TTLL7: variants seen among roughly 807,000 people sequenced by gnomAD.
TTLL7 encodes the protein tubulin tyrosine ligase like 7.
In TTLL7, 53 loss-of-function variants were observed where a neutral mutation model predicts 120.2. The ratio of observed to expected loss-of-function variants is 0.44; its 90% CI spans 0.35 to 0.55. The LOEUF is 0.55. Ranked by LOEUF, TTLL7 falls within the 20% of genes least tolerant of loss-of-function variation. The pLI is 0.00. For missense variants in TTLL7, 803 were observed against 1,054.7 expected (o/e 0.76, Z 3.31); for synonymous variants, 353 against 351.7 (o/e 1.00, Z -0.04).
rs2100796008 is a variant in TTLL7, at chr1:83,921,286, T to C, written c.1251A>G (p.Glu417=). 6.2e-7 allele frequency: 1 copy of C among 1,613,440 alleles called. No homozygotes were observed. Among genetic ancestry groups the C allele is most frequent in the Non-Finnish European group, 8.5e-7 (1 of 1,179,784 alleles). Residue 417 remains glutamate, a synonymous_variant, in exon 11 of 21, where the codon GAA becomes GAG. Transcript: ENST00000260505. Reference sequence around the variant, plus strand: ...GCCTCTCCAACTGGTGTCTCTGCTGTTCCCAGTCTGAGGAGCCTGGTAAGA... The same window carrying C: ...GCCTCTCCAACTGGTGTCTCTGCTGCTCCCAGTCTGAGGAGCCTGGTAAGA... The part of the protein sequence containing the change: ...KRLLPGSSDW[E]QQRHQLERRK...
Position 83,868,489 on chromosome 1 carries a change from C to T in TTLL7, c.*1473G>A, listed in dbSNP as rs749967648. 2 of 152,152 alleles carry T rather than the reference C, an allele frequency of 1.3e-5. No homozygotes were observed. The highest frequency in any genetic ancestry group is 2.1e-4 in the South Asian group (1 of 4,832). 9.4% of individuals were successfully genotyped at this position (152,152 alleles called of 1,614,324 possible). A position where few individuals can be genotyped will look rare whatever the true frequency, so the allele number is the denominator to read the frequency against. The stretch of plus-strand genomic sequence containing the variant: ...ATAACAACTTTGGACAAGAACACTT[C>T]GTTCTCTGTTTTGATTTTTTAAAAA... On this transcript the variant is annotated 3_prime_UTR_variant, in exon 21 of 21. Transcript: ENST00000260505.
Position 83,867,155 on chromosome 1 carries a change from T to C in TTLL7, c.*2807A>G, listed in dbSNP as rs1244484649. 4 of 152,062 alleles carry C rather than the reference T, an allele frequency of 2.6e-5. No homozygotes were observed. The highest frequency in any genetic ancestry group is 6.6e-5 in the Admixed American group (1 of 15,262). 9.4% of individuals were successfully genotyped at this position (152,062 alleles called of 1,614,324 possible). A position where few individuals can be genotyped will look rare whatever the true frequency, so the allele number is the denominator to read the frequency against. ...GGAGTCACACCTGTACAATCACTTA[T>C]GCTTATATGTTTTAACCTATGAATA... On this transcript the variant is annotated 3_prime_UTR_variant, in exon 21 of 21. Coordinates refer to ENST00000260505, the MANE Select transcript of TTLL7 (RefSeq NM_024686.6).
intron 1 of TTLL7, among the ~76,000 whole-genome samples, chr1:83,990,213 GGCCGGAC>G (rs1652856324): frequency 7.3e-6 from 1 of 137,098 alleles, no homozygotes; most frequent in Non-Finnish European, 1.5e-5. Context: ...CTGTCGCCCA[GGCCGGAC>G]TGCGGACTGC....
rs1557563429 is a variant in TTLL7 at position 83,892,405 on chromosome 1, C to CGA, written c.2209-1925_2209-1924insTC. Among the ~76,000 whole-genome samples, 102 of 36,694 alleles carry CGA rather than the reference C, an allele frequency of 2.8e-3. 11 individuals carry two copies. Among genetic ancestry groups the CGA allele is most frequent in the Middle Eastern group, 0.04 (2 of 50 alleles). 24.1% of individuals were successfully genotyped at this position (36,694 alleles called of 152,430 possible). On this transcript the variant is annotated intron_variant, in intron 18 of 20. Transcript: ENST00000260505. The stretch of plus-strand genomic sequence containing the variant: ...GAATATATATACGAATATATATGAA[C>CGA]ATATATATGAACATATATATGAACA...
chr1:83,903,806 A>G (rs1402122565), intron 18 of TTLL7, among the ~76,000 whole-genome samples: 1 of 152,038 alleles, frequency 6.6e-6, no homozygotes, highest in East Asian at 1.9e-4. Flanking sequence ...TAGAAGGCTG[A>G]CTGTACTACC....
chr1:83,947,397 A>T, intron 5 of TTLL7, 115 bp from the exon 6 acceptor site: 1 of 929,032 alleles, frequency 1.1e-6, no homozygotes, highest in South Asian at 1.7e-5. Flanking sequence ...TCCTTCATTT[A>T]CTTATTCATT....
chr1:83,947,545 A>AT (rs1210228855), intron 5 of TTLL7: 16 of 318,944 alleles, frequency 5.0e-5, no homozygotes, highest in East Asian at 8.0e-5. Flanking sequence ...CATCAAAAAC[A>AT]TTTTTTTTAG....
At chr1:83,909,341 A>G (rs1657490003) in intron 15 of TTLL7, among the ~76,000 whole-genome samples, 1 of 147,832 alleles carries the variant, frequency 6.8e-6, no homozygotes, top group Admixed American at 7.0e-5. Flanking sequence ...AGACATGCCA[A>G]TGATGTTTGG....
chr1:83,882,353 A>G lies in TTLL7; in HGVS notation c.2543+610T>C, dbSNP rs1654589100. On this transcript the variant is annotated intron_variant, in intron 20 of 20. Transcript: ENST00000260505. ...TACTAAAACTAAAGTTATATTATTC[A>G]TCTCTATTTCTAATGAGAACTACAG... Among the ~76,000 whole-genome samples the G allele has an allele frequency of 4.6e-5, 7 of 151,722 alleles. No individual in the cohort carries two copies. The South Asian group carries it at 1.5e-3, about 31-fold the overall frequency.
In TTLL7 at chr1:83,911,247, T is replaced by C. The variant is rs759550249; in HGVS notation, c.1704A>G (p.Glu568=). Residue 568 remains glutamate (E), a synonymous_variant, in exon 15 of 21, where the codon GAA becomes GAG. Transcript: ENST00000260505. Reference sequence around the variant, plus strand: ...TTTCTCTTTTCTTATTTTGGTACTCTTCTTTTTCATTTTCGTCAGATTCTG... The same window carrying C: ...TTTCTCTTTTCTTATTTTGGTACTCCTCTTTTTCATTTTCGTCAGATTCTG... ...SSSESDENEK[E]EYQNKKREKQ... The C allele has an allele frequency of 1.1e-5, 18 of 1,613,426 alleles. No homozygotes were observed. The Admixed American group carries it at 3.0e-4, about 27-fold the overall frequency.
chr1:83,983,312 A>G (rs754226871), intron 1 of TTLL7, among the ~76,000 whole-genome samples: 1 of 152,162 alleles, frequency 6.6e-6, no homozygotes, highest in Non-Finnish European at 1.5e-5. Flanking sequence ...GACTGGTGAC[A>G]GAACGAGACT....
chr1:83,932,451 C>G (rs1659672848), intron 9 of TTLL7, among the ~76,000 whole-genome samples: 1 of 152,090 alleles, frequency 6.6e-6, no homozygotes, highest in Non-Finnish European at 1.5e-5. Context: ...TCACATTTAT[C>G]TTATCTCTAA....
intron 13 of TTLL7, 82 bp from the exon 14 acceptor site, chr1:83,917,772 T>C (rs1658317019): frequency 1.1e-6 from 1 of 869,732 alleles, no homozygotes; most frequent in East Asian, 2.6e-5. Context: ...CACAAAATAA[T>C]GCAGAGCAAG....
intron 6 of TTLL7, among the ~76,000 whole-genome samples, chr1:83,944,846 T>A (rs1374110282): frequency 1.3e-5 from 2 of 152,236 alleles, no homozygotes; most frequent in Non-Finnish European, 2.9e-5. Context: ...TGCAGAGATA[T>A]AATTTGTGAC....
chr1:83,975,642 T>C (rs112417057), intron 1 of TTLL7, among the ~76,000 whole-genome samples: 2 of 152,128 alleles, frequency 1.3e-5, no homozygotes, highest in Non-Finnish European at 2.9e-5. Context: ...CTTTGTGCCA[T>C]AGCATGTCGC....
intron 18 of TTLL7, among the ~76,000 whole-genome samples, chr1:83,897,842 T>G (rs1399098708): frequency 6.7e-6 from 1 of 148,638 alleles, no homozygotes; most frequent in East Asian, 2.0e-4. Context: ...CTCTCCCCAT[T>G]ATCTTCCTTG....
intron 13 of TTLL7, among the ~76,000 whole-genome samples, chr1:83,918,054 A>G (rs1658338022): frequency 6.6e-6 from 1 of 152,138 alleles, no homozygotes; most frequent in East Asian, 1.9e-4. Context: ...TTTATGAATC[A>G]TTTCTATACA....
intron 7 of TTLL7, 129 bp from the exon 8 acceptor site, chr1:83,938,145 A>C: frequency 9.2e-6 from 7 of 759,300 alleles, no homozygotes; most frequent in African/African-American, 1.8e-5. Flanking sequence ...GAACAATCTC[A>C]TGATTATTTA....
At chr1:83,932,034 C>G (rs990558669) in intron 9 of TTLL7, among the ~76,000 whole-genome samples, 2 of 151,956 alleles carry the variant, frequency 1.3e-5, no homozygotes, top group African/African-American at 2.4e-5. Flanking sequence ...CTAGAAACAA[C>G]GAAGGAAAGA....
Sources: allele counts gnomAD v4.1 joint callset (sites outside exome capture counted in the v4.1 genomes callset), GRCh38; gene constraint gnomAD v4.1.1; transcripts MANE v1.5; gene names NCBI Gene and HGNC (gene_info 2026-07-23, HGNC 2026-07-21).